The following PLCB4 variants were observed in gnomAD, a reference collection of about 807,000 sequenced individuals.
PLCB4 encodes 1-phosphatidylinositol 4,5-bisphosphate phosphodiesterase beta-4.
A neutral mutation model predicts 178.8 loss-of-function variants in PLCB4; 77 were observed. The observed-to-expected ratio is 0.43, with a 90% CI of 0.36 to 0.52. PLCB4 has a LOEUF of 0.52. Ranked by LOEUF, PLCB4 falls within the 20% of genes least tolerant of loss-of-function variation. The pLI, the probability that PLCB4 is intolerant of heterozygous loss-of-function variation, is 0.00. For synonymous variants in PLCB4, 496 were observed against 490.8 expected (o/e 1.01, Z -0.14); for missense variants, 1,024 against 1,453.4 (o/e 0.70, Z 4.80).
intron 39 of PLCB4, among the ~76,000 whole-genome samples, chr20:9,477,537 A>G (rs2044629791): frequency 6.6e-6 from 1 of 152,144 alleles, no homozygotes; most frequent in Admixed American, 6.6e-5. Flanking sequence ...GAAGTATTTA[A>G]TTTCCAGTGC....
At chr20:9,295,971 C>A (rs887457408) in intron 3 of PLCB4, among the ~76,000 whole-genome samples, 2 of 152,058 alleles carry the variant, frequency 1.3e-5, no homozygotes, top group Non-Finnish European at 2.9e-5. Context: ...TCTAAAACAC[C>A]AAAAGCAATG....
At chr20:9,263,816 T>G (rs2094321713) in intron 3 of PLCB4, among the ~76,000 whole-genome samples, 1 of 152,158 alleles carries the variant, frequency 6.6e-6, no homozygotes, top group Admixed American at 6.5e-5. Context: ...TCCATCTTAT[T>G]GTGTATTGGT....
At chr20:9,082,133 C>G (rs940342543) in intron 1 of PLCB4, among the ~76,000 whole-genome samples, 1 of 151,770 alleles carries the variant, frequency 6.6e-6, no homozygotes, top group Admixed American at 6.6e-5. Context: ...TTATTTCAAA[C>G]TTGGTTGGAA....
chr20:9,386,335 A>C (rs2148387836), intron 14 of PLCB4, among the ~76,000 whole-genome samples: 1 of 152,316 alleles, frequency 6.6e-6, no homozygotes, highest in East Asian at 1.9e-4. Context: ...TAGTTCTCTG[A>C]GAGTAGAAAT....
chr20:9,085,084 T>A (rs1416615930), intron 1 of PLCB4, among the ~76,000 whole-genome samples: 1 of 152,050 alleles, frequency 6.6e-6, no homozygotes, highest in Non-Finnish European at 1.5e-5. Flanking sequence ...TATTACTTTT[T>A]CTTTTTCCAA....
chr20:9,471,555 T>C (rs2044191429), intron 36 of PLCB4, among the ~76,000 whole-genome samples: 1 of 152,090 alleles, frequency 6.6e-6, no homozygotes, highest in Admixed American at 6.5e-5. Flanking sequence ...TTGAAAAATA[T>C]AAATATCCAA....
In PLCB4 at chr20:9,411,089, G is replaced by T; in HGVS notation, c.2051+1G>T. 1.3e-6 allele frequency: 2 copies of T among 1,599,824 alleles called. No homozygotes were observed. The highest frequency in any genetic ancestry group is 1.7e-6 in the Non-Finnish European group (2 of 1,167,344). On this transcript the variant is annotated splice_donor_variant, in intron 25 of 39. Transcript: ENST00000378473. LOFTEE classifies it high-confidence loss of function. ...AATTTGAGTATAATGGATCGTGCGG[G>T]TGAGTAATATGATTTAAACTGTTTT...
At chr20:9,082,911 C>T (rs1039531340) in intron 1 of PLCB4, among the ~76,000 whole-genome samples, 4 of 152,190 alleles carry the variant, frequency 2.6e-5, no homozygotes, top group Non-Finnish European at 4.4e-5. Context: ...CTGGCAGTGG[C>T]TCTGCCAGAA....
chr20:9,302,901 G>A (rs909505365), intron 3 of PLCB4, among the ~76,000 whole-genome samples: 3 of 151,376 alleles, frequency 2.0e-5, no homozygotes, highest in Admixed American at 6.6e-5. Context: ...TGTATCCAAA[G>A]CCTCTTACTG....
intron 2 of PLCB4, among the ~76,000 whole-genome samples, chr20:9,139,099 C>T (rs917786859): frequency 2.0e-5 from 3 of 152,118 alleles, no homozygotes; most frequent in African/African-American, 2.4e-5. Flanking sequence ...AGAATGCCAA[C>T]GTCCAGAATT....
chr20:9,095,883 T>G (rs2090892722), intron 1 of PLCB4, among the ~76,000 whole-genome samples: 1 of 152,100 alleles, frequency 6.6e-6, no homozygotes, highest in Non-Finnish European at 1.5e-5. Context: ...CACATCATTT[T>G]CCCACTGGAA....
At chr20:9,096,548 ATG>A (rs1353052074) in intron 2 of PLCB4, among the ~76,000 whole-genome samples, 1 of 152,216 alleles carries the variant, frequency 6.6e-6, no homozygotes. Context: ...ACAAAAGTTG[ATG>A]TCTACAGCAG....
At chr20:9,440,148 T>G (rs1171687243) in intron 30 of PLCB4, among the ~76,000 whole-genome samples, 8 of 152,240 alleles carry the variant, frequency 5.3e-5, no homozygotes, top group Non-Finnish European at 1.2e-4. Context: ...CAGATGCTCC[T>G]TGACTTATGA....
At position 9,437,085 on chromosome 20, in the gene PLCB4, T is replaced by C. The variant is rs757326768; in HGVS notation, c.2697T>C (p.Pro899=). Residue 899 remains proline, a synonymous_variant, in exon 30 of 40, where the codon CCT becomes CCC. Transcript: ENST00000378473. ...ACACCGCCAAAGCAAATGTGACCCC[T>C]CAGAGTAGCTCTGAGCTCAGACCAA... ...KANTAKANVT[P]QSSSELRPTT... is the part of the protein sequence containing the mutation. 6.2e-7 allele frequency: 1 copy of C among 1,614,042 alleles called. No homozygotes were observed. Among genetic ancestry groups the C allele is most frequent in the East Asian group, 2.2e-5 (1 of 44,868 alleles).
chr20:9,168,584 G>A (rs1432503785), intron 2 of PLCB4, among the ~76,000 whole-genome samples: 1 of 152,168 alleles, frequency 6.6e-6, no homozygotes, highest in African/African-American at 2.4e-5. Flanking sequence ...TTGCTAACAG[G>A]CTCCCAGGTG....
chr20:9,414,699 G>C (rs553497578), intron 25 of PLCB4, among the ~76,000 whole-genome samples: 7 of 152,150 alleles, frequency 4.6e-5, no homozygotes, highest in Admixed American at 1.3e-4. Context: ...GCACCACTGG[G>C]CCCAATAAGT....
At chr20:9,450,288 A>G (rs2042675286) in intron 32 of PLCB4, among the ~76,000 whole-genome samples, 1 of 152,196 alleles carries the variant, frequency 6.6e-6, no homozygotes, top group South Asian at 2.1e-4. Context: ...GGACTTAGAG[A>G]TCATTTCATG....
chr20:9,090,998 A>G (rs1252757752), intron 1 of PLCB4, among the ~76,000 whole-genome samples: 1 of 152,066 alleles, frequency 6.6e-6, no homozygotes, highest in Non-Finnish European at 1.5e-5. Flanking sequence ...GCTTCAATCA[A>G]TTCGATATGT....
chr20:9,301,064 C>G (rs2094696697), intron 3 of PLCB4, among the ~76,000 whole-genome samples: 1 of 151,572 alleles, frequency 6.6e-6, no homozygotes, highest in Non-Finnish European at 1.5e-5. Context: ...TAATCTCTGC[C>G]TCCGTAGTCG....
Sources: gnomAD v4.1 joint callset for allele counts (sites outside exome capture counted in the v4.1 genomes callset) on GRCh38, gnomAD v4.1.1 for gene constraint, MANE v1.5 for transcripts, NCBI Gene and HGNC (gene_info 2026-07-23, HGNC 2026-07-21) for gene names.